Variants in ITPR1 observed in about 807,000 individuals in gnomAD.
ITPR1 encodes the protein inositol 1,4,5-trisphosphate receptor type 1.
ITPR1 carries 96 observed loss-of-function variants against 318.4 expected under a neutral mutation model. That is an observed-to-expected ratio of 0.30 (90% CI 0.26 to 0.36). The LOEUF is 0.36. ITPR1 is among the 10% of genes least tolerant of loss of function. ITPR1 has a pLI of 1.00. For synonymous variants in ITPR1, 1,312 were observed against 1,289.9 expected (o/e 1.02, Z -0.37); for missense variants, 2,440 against 3,460.2 (o/e 0.71, Z 7.40).
chr3:4,787,729 T>C (rs984659391), intron 51 of ITPR1, among the ~76,000 whole-genome samples: 1 of 151,766 alleles, frequency 6.6e-6, no homozygotes, highest in Non-Finnish European at 1.5e-5. Flanking sequence ...TAAAAATAAA[T>C]AAATAAAGTT....
At position 4,768,516 on chromosome 3, in the gene ITPR1, G is replaced by A. The variant is rs1228311035; in HGVS notation, c.5731G>A (p.Glu1911Lys). The change falls in exon 46 of 62, where the codon GAG becomes AAG. Residue 1911 changes from glutamate (E) to lysine (K), a missense_variant. By Grantham distance (56) the Glu-to-Lys change is moderately conservative. Transcript: ENST00000649015. The part of the protein sequence containing the change: ...RDAPSRKKAK[E>K]PTTQITEEVR... ...GCCTTATGCTTGCTTTCTAGCTAAA[G>A]AGCCCACAACACAGATAACAGAAGA... The A allele has an allele frequency of 6.2e-7, 1 of 1,603,038 alleles. No homozygotes were observed.
intron 4 of ITPR1, among the ~76,000 whole-genome samples, chr3:4,565,356 T>A (rs2087122504): frequency 6.6e-6 from 1 of 152,210 alleles, no homozygotes; most frequent in Non-Finnish European, 1.5e-5. Context: ...CGTAAAAGGT[T>A]TCTCATTGTG....
At chr3:4,595,889 C>G (rs558757744) in intron 4 of ITPR1, among the ~76,000 whole-genome samples, 1 of 152,058 alleles carries the variant, frequency 6.6e-6, no homozygotes, top group Non-Finnish European at 1.5e-5. Flanking sequence ...AGGTATGGCT[C>G]TCATGTCGTA....
intron 4 of ITPR1, among the ~76,000 whole-genome samples, chr3:4,543,568 G>A (rs1318951161): frequency 6.6e-6 from 1 of 152,226 alleles, no homozygotes; most frequent in African/African-American, 2.4e-5. Context: ...TCAGCCTCCT[G>A]AGTAGCTGGG....
intron 33 of ITPR1, among the ~76,000 whole-genome samples, chr3:4,696,677 T>TC: frequency 6.7e-6 from 1 of 148,974 alleles, no homozygotes; most frequent in East Asian, 1.9e-4. Context: ...CCGTGTGTTT[T>TC]TTTTTTTTTT....
chr3:4,689,157 G>C (rs2094442369), intron 31 of ITPR1, among the ~76,000 whole-genome samples: 1 of 152,184 alleles, frequency 6.6e-6, no homozygotes. Flanking sequence ...TTGCAAATCA[G>C]AGAGATATAA....
intron 4 of ITPR1, among the ~76,000 whole-genome samples, chr3:4,574,106 G>T (rs1286654753): frequency 3.9e-5 from 6 of 152,068 alleles, no homozygotes; most frequent in Non-Finnish European, 5.9e-5. Flanking sequence ...GCTGTAATCT[G>T]TCTACCATTT....
At chr3:4,685,851 A>T (rs1206449629) in intron 30 of ITPR1, among the ~76,000 whole-genome samples, 3 of 152,102 alleles carry the variant, frequency 2.0e-5, no homozygotes, top group Non-Finnish European at 4.4e-5. Context: ...TACAAGACCC[A>T]CTCGGGTATT....
chr3:4,792,666 G>T (rs1275522098), intron 52 of ITPR1, among the ~76,000 whole-genome samples: 9 of 152,214 alleles, frequency 5.9e-5, no homozygotes, highest in African/African-American at 1.9e-4. Flanking sequence ...CATGGCAGAT[G>T]ATTTCCTCAG....
intron 51 of ITPR1, 74 bp downstream of exon 51, chr3:4,783,994 G>A: frequency 9.9e-7 from 1 of 1,010,652 alleles, no homozygotes; most frequent in Non-Finnish European, 1.5e-6. Flanking sequence ...TCTGGGGCTG[G>A]CGTGCATTCA....
chr3:4,572,666 T>C (rs764668711), intron 4 of ITPR1, among the ~76,000 whole-genome samples: 9 of 152,336 alleles, frequency 5.9e-5, no homozygotes, highest in African/African-American at 1.9e-4. Context: ...CATATTCACA[T>C]TGCTGGGAGA....
At chr3:4,521,894 A>AAAAAC (rs2082599317) in intron 4 of ITPR1, among the ~76,000 whole-genome samples, 1 of 152,162 alleles carries the variant, frequency 6.6e-6, no homozygotes, top group South Asian at 2.1e-4. Context: ...AAACAAAAAC[A>AAAAAC]AAAACAAGAC....
chr3:4,693,405 TC>T, intron 32 of ITPR1, 84 bp from the exon 33 acceptor site: 1 of 1,443,312 alleles, frequency 6.9e-7, no homozygotes, highest in East Asian at 2.3e-5. Context: ...TAACAGAACC[TC>T]TCTCTTCCTC....
At chr3:4,830,355 T>A (rs2050392995) in intron 60 of ITPR1, among the ~76,000 whole-genome samples, 1 of 152,166 alleles carries the variant, frequency 6.6e-6, no homozygotes, top group Non-Finnish European at 1.5e-5. Flanking sequence ...CAACAGATTC[T>A]GTGTTTTTGT....
At chr3:4,668,668 A>G (rs1216685864) in intron 18 of ITPR1, among the ~76,000 whole-genome samples, 2 of 152,094 alleles carry the variant, frequency 1.3e-5, no homozygotes. Flanking sequence ...GGGTTTCACC[A>G]TATTGGCCAG....
intron 37 of ITPR1, among the ~76,000 whole-genome samples, chr3:4,708,910 C>G (rs1388089425): frequency 1.3e-5 from 2 of 152,220 alleles, no homozygotes; most frequent in Non-Finnish European, 2.9e-5. Flanking sequence ...CCGCCCATTG[C>G]TTTGCCATCT....
chr3:4,747,206 G>C (rs1275189934), intron 44 of ITPR1, among the ~76,000 whole-genome samples: 1 of 152,188 alleles, frequency 6.6e-6, no homozygotes, highest in Non-Finnish European at 1.5e-5. Context: ...AAGTGCTCAT[G>C]TACCACGGGC....
chr3:4,733,030 C>T (rs554315027), intron 42 of ITPR1, 58 bp from the exon 43 acceptor site: 16 of 1,552,138 alleles, frequency 1.0e-5, no homozygotes, highest in Middle Eastern at 1.7e-4. Flanking sequence ...TTTGAATATT[C>T]GTCCCTCGGT....
rs547220444 is a variant in ITPR1, at chr3:4,732,199, T to C, written c.5221-889T>C. Among the ~76,000 whole-genome samples the C allele has an allele frequency of 7.2e-5, 11 of 152,342 alleles. No homozygotes were observed. The East Asian group carries it at 2.1e-3, about 29-fold the overall frequency. On this transcript the variant is annotated intron_variant, in intron 42 of 61. Coordinates refer to ENST00000649015, the MANE Select transcript of ITPR1 (RefSeq NM_001378452.1). ...CTGGCTTGCCAGTATCCCCCAGTATTACTGAACAATGGAGGTTTTTTTGGT... is the reference window on the plus strand; with the variant it reads ...CTGGCTTGCCAGTATCCCCCAGTATCACTGAACAATGGAGGTTTTTTTGGT...
Sources: allele counts gnomAD v4.1 joint callset (sites outside exome capture counted in the v4.1 genomes callset), GRCh38; gene constraint gnomAD v4.1.1; transcripts MANE v1.5; gene names NCBI Gene and HGNC (gene_info 2026-07-23, HGNC 2026-07-21).